Variants in EREG observed in about 807,000 individuals in gnomAD.
EREG encodes the protein epiregulin, also known as proepiregulin.
In EREG, 23 loss-of-function variants were observed where a neutral mutation model predicts 22.4. That is an observed-to-expected ratio of 1.03 (90% confidence interval 0.74 to 1.46). EREG has a LOEUF of 1.46. Among genes scored for constraint, EREG ranks in the 40% most tolerant of loss-of-function variants. EREG has a pLI of 0.00. For missense variants in EREG, 226 were observed against 205.9 expected (o/e 1.10, Z -0.60); for synonymous variants, 100 against 75.4 (o/e 1.33, Z -1.69).
chr4:74,376,535 A>G (rs574386431), intron 1 of EREG, among the ~76,000 whole-genome samples: 3 of 152,372 alleles, frequency 2.0e-5, no homozygotes, highest in Admixed American at 2.0e-4. Context: ...TATCCTCCAT[A>G]AAAAGCTTAG....
chr4:74,365,201 G>T lies in EREG; in HGVS notation c.-108G>T, dbSNP rs1415423296. The stretch of plus-strand genomic sequence containing the variant: ...ACAGCCAACGTGGGGTCCCTTCTAG[G>T]CTGACAGCCGCTCTCCAGCCACTGC... On this transcript the variant is annotated 5_prime_UTR_variant, in exon 1 of 5. Coordinates refer to ENST00000244869, the MANE Select transcript of EREG (RefSeq NM_001432.3). 1.2e-5 allele frequency: 10 copies of T among 831,396 alleles called. No individual in the cohort carries two copies. Among genetic ancestry groups the T allele is most frequent in the South Asian group, 4.4e-5 (3 of 67,458 alleles). The allele number at this position is 831,396 out of a possible 1,614,324, so 51.5% of individuals were successfully genotyped here.
At chr4:74,377,660 C>G (rs1211527102) in intron 1 of EREG, among the ~76,000 whole-genome samples, 2 of 152,180 alleles carry the variant, frequency 1.3e-5, no homozygotes, top group Non-Finnish European at 2.9e-5. Flanking sequence ...AATTGACTCA[C>G]AGTTCTATAT....
At chr4:74,381,974 G>C (rs1752483812) in intron 3 of EREG, 1 of 83,026 alleles carries the variant, frequency 1.2e-5, no homozygotes, top group African/African-American at 5.1e-5. Context: ...AACACAGCGA[G>C]ACTCCGTCTC....
In EREG at chr4:74,373,984, C is replaced by T. The variant is rs555467088; in HGVS notation, c.68-5464C>T. Among the ~76,000 whole-genome samples the T allele has an allele frequency of 7.9e-5, 12 of 152,184 alleles. No homozygotes were observed. The South Asian group carries it at 2.1e-3, about 26-fold the overall frequency. On this transcript the variant is annotated intron_variant, in intron 1 of 4. Coordinates refer to ENST00000244869, the MANE Select transcript of EREG (RefSeq NM_001432.3). Reference sequence around the variant, plus strand: ...CACACAAGATCCAACAAGCCTATTACGTTATAGACAAATTCTAAAATCACA... The same window carrying T: ...CACACAAGATCCAACAAGCCTATTATGTTATAGACAAATTCTAAAATCACA...
intron 1 of EREG, among the ~76,000 whole-genome samples, chr4:74,370,150 G>A (rs534421861): frequency 5.0e-4 from 76 of 152,184 alleles, no homozygotes; most frequent in Non-Finnish European, 8.1e-4. Context: ...ACTGAAAAAG[G>A]AGCCACTTCC....
At chr4:74,381,652 C>G (rs1489706561) in intron 3 of EREG, 1 of 151,958 alleles carries the variant, frequency 6.6e-6, no homozygotes, top group African/African-American at 2.4e-5. Context: ...TGGATCTTTT[C>G]CTTCAATTTC....
In EREG at chr4:74,366,793, C is replaced by T. The variant is rs1418836338; in HGVS notation, c.67+1418C>T. 9.9e-5 allele frequency among the ~76,000 whole-genome samples: 15 copies of T among 152,222 alleles called. No individual in the cohort carries two copies. The East Asian group carries it at 2.7e-3, about 27-fold the overall frequency. ...TTTGTTGTCATGAAAGTGCTTACCTCCTTCATTGCATTACTTAATTATAGT... is the reference window on the plus strand; with the variant it reads ...TTTGTTGTCATGAAAGTGCTTACCTTCTTCATTGCATTACTTAATTATAGT... On this transcript the variant is annotated intron_variant, in intron 1 of 4. Coordinates refer to ENST00000244869, the MANE Select transcript of EREG (RefSeq NM_001432.3).
chr4:74,383,932 T>C (rs1448428054), intron 4 of EREG, among the ~76,000 whole-genome samples: 1 of 152,168 alleles, frequency 6.6e-6, no homozygotes, highest in Non-Finnish European at 1.5e-5. Flanking sequence ...CCAGCTCATA[T>C]AGTTGACAAA....
intron 4 of EREG, 86 bp downstream of exon 4, chr4:74,382,880 G>T (rs59256151): frequency 0.042 from 41,222 of 971,906 alleles, 1,640 homozygotes; most frequent in African/African-American, 0.16. Context: ...TATGGATAAA[G>T]TATTAGAGAG....
chr4:74,365,366 C>A lies in EREG; in HGVS notation c.58C>A (p.Leu20Ile). 6.2e-7 allele frequency: 1 copy of A among 1,611,748 alleles called. No homozygotes were observed. The change falls in exon 1 of 5, where the codon CTC (leucine) becomes ATC (isoleucine). Residue 20 changes from leucine (L) to isoleucine (I), a missense_variant. Leu to Ile is a conservative substitution (Grantham distance 5). Coordinates refer to ENST00000244869, the MANE Select transcript of EREG (RefSeq NM_001432.3). ...TGCCGGCAGGGTCCCTGCGCTGCTG[C>A]TCTGCCTGGGTAAGTTCTCCCCCTC... is the stretch of plus-strand genomic sequence containing the variant. ...LCAGRVPALLLCLGFHLLQAV... is the reference protein window; with the variant it reads ...LCAGRVPALLICLGFHLLQAV...
chr4:74,377,890 G>C (rs1020987984), intron 1 of EREG, among the ~76,000 whole-genome samples: 2 of 152,152 alleles, frequency 1.3e-5, no homozygotes, highest in South Asian at 4.1e-4. Flanking sequence ...TGGGGATTAC[G>C]GGTCCCTCTC....
intron 1 of EREG, among the ~76,000 whole-genome samples, chr4:74,366,844 C>A (rs1752194771): frequency 6.6e-6 from 1 of 152,148 alleles, no homozygotes; most frequent in African/African-American, 2.4e-5. Flanking sequence ...GCTGCCAAGC[C>A]CATTTCCAAA....
intron 1 of EREG, among the ~76,000 whole-genome samples, chr4:74,371,600 T>G (rs1752290141): frequency 6.6e-6 from 1 of 152,248 alleles, no homozygotes. Context: ...CTGTTTTCCT[T>G]GGAACATATA....
In EREG at chr4:74,387,176, A is replaced by G. The variant is rs1421463055; in HGVS notation, c.*2368A>G. 1 of 152,160 alleles carries G rather than the reference A, an allele frequency of 6.6e-6. No individual in the cohort carries two copies. Among genetic ancestry groups the G allele is most frequent in the Admixed American group, 6.5e-5 (1 of 15,270 alleles). 9.4% of individuals were successfully genotyped at this position (152,160 alleles called of 1,614,324 possible). ...TTATATGCAAGCACTATGCCCTTTT[A>G]TATAAGTGACTTGAACATCTGTGCC... On this transcript the variant is annotated 3_prime_UTR_variant, in exon 5 of 5. Transcript: ENST00000244869.
At chr4:74,380,240 G>C (rs953355406) in intron 2 of EREG, among the ~76,000 whole-genome samples, 1 of 150,292 alleles carries the variant, frequency 6.7e-6, no homozygotes, top group Admixed American at 6.7e-5. Context: ...AGCCTCCTCC[G>C]CAGGTTTGGT....
rs1443940919 is a variant in EREG, at chr4:74,381,038, T to C, written c.179T>C (p.Val60Ala). 4 of 1,613,516 alleles carry C rather than the reference T, an allele frequency of 2.5e-6. No homozygotes were observed. Among genetic ancestry groups the C allele is most frequent in the African/African-American group, 1.3e-5 (1 of 74,928 alleles). ...GTTCAGACAGAAGACAATCCACGTG[T>C]GGCTCAAGTGTCAATAACAAAGTGT... is the stretch of plus-strand genomic sequence containing the variant. ...ALVQTEDNPR[V>A]AQVSITKCSS... Residue 60 changes from valine to alanine, a missense_variant, in exon 3 of 5, where the codon GTG (valine) becomes GCG (alanine). Val to Ala is a moderately conservative substitution (Grantham distance 64, BLOSUM62 0). Transcript: ENST00000244869.
intron 1 of EREG, among the ~76,000 whole-genome samples, chr4:74,369,022 G>T (rs1032298038): frequency 1.3e-5 from 2 of 152,154 alleles, no homozygotes; most frequent in African/African-American, 2.4e-5. Context: ...CTAGGTTAAA[G>T]TAATGATTTA....
chr4:74,378,610 C>T lies in EREG; in HGVS notation c.68-838C>T, dbSNP rs550251608. On this transcript the variant is annotated intron_variant, in intron 1 of 4. Coordinates refer to ENST00000244869, the MANE Select transcript of EREG (RefSeq NM_001432.3). The stretch of plus-strand genomic sequence containing the variant: ...ATTAGTATTTACTATATAACAGTTA[C>T]TTAAATAAATTGGAAAGAGTGTTTG... Among the ~76,000 whole-genome samples, 216 of 152,234 alleles carry T rather than the reference C, an allele frequency of 1.4e-3. No individual in the cohort carries two copies. In the Middle Eastern group the frequency reaches 0.031, roughly 22 times the overall value.
chr4:74,373,305 C>A (rs1752324619), intron 1 of EREG, among the ~76,000 whole-genome samples: 1 of 151,960 alleles, frequency 6.6e-6, no homozygotes, highest in Non-Finnish European at 1.5e-5. Context: ...TTAGAAATGA[C>A]TACCTAAATT....
Sources: allele counts gnomAD v4.1 joint callset (sites outside exome capture counted in the v4.1 genomes callset), GRCh38; gene constraint gnomAD v4.1.1; transcripts MANE v1.5; gene names NCBI Gene and HGNC (gene_info 2026-07-23, HGNC 2026-07-21).